Variants in TIAM1 observed in about 807,000 individuals in gnomAD.
The protein encoded by TIAM1 is TIAM Rac1 associated GEF 1.
TIAM1 carries 65 observed loss-of-function variants against 163.5 expected under a neutral mutation model. The ratio of observed to expected loss-of-function variants is 0.40; its 90% CI spans 0.33 to 0.49. The LOEUF (loss-of-function observed/expected upper bound fraction) is 0.49. Among genes scored for constraint, TIAM1 ranks in the 20% least tolerant of loss-of-function variants. The pLI, the probability that TIAM1 is intolerant of heterozygous loss-of-function variation, is 0.77. For missense variants in TIAM1, 1,789 were observed against 2,044.7 expected, an observed-to-expected ratio of 0.87 and a Z score of 2.41; for synonymous variants, 833 against 810.1, an observed-to-expected ratio of 1.03 and a Z score of -0.48.
chr21:31,345,940 G>C (rs2076139798), upstream of TIAM1, among the ~76,000 whole-genome samples: 1 of 152,178 alleles, frequency 6.6e-6, no homozygotes, highest in African/African-American at 2.4e-5. Flanking sequence ...GACGGAGTGA[G>C]ACTCTGTCTT....
At chr21:31,347,553 G>A (rs1225746981), upstream of TIAM1, among the ~76,000 whole-genome samples, 1 of 152,154 alleles carries the variant, frequency 6.6e-6, no homozygotes, top group Admixed American at 6.5e-5. Context: ...ACGCAGGTCC[G>A]AGCCCCATCA....
Position 31,129,927 on chromosome 21 carries a change from T to G in TIAM1, c.4045+286A>C, listed in dbSNP as rs187390275. Reference sequence around the variant, plus strand: ...TGGTAGTCACTATAGTATTAATCTATAGAATAGAATAACTAGAATCTTTTC... The same window carrying G: ...TGGTAGTCACTATAGTATTAATCTAGAGAATAGAATAACTAGAATCTTTTC... On this transcript the variant is annotated intron_variant, in intron 25 of 27. Coordinates refer to ENST00000541036, the MANE Select transcript of TIAM1 (RefSeq NM_001353694.2). 3.3e-5 allele frequency among the ~76,000 whole-genome samples: 5 copies of G among 152,294 alleles called. No homozygotes were observed. The East Asian group carries it at 9.6e-4, about 29-fold the overall frequency.
intron 2 of TIAM1, among the ~76,000 whole-genome samples, chr21:31,335,766 T>C (rs1291253145): frequency 6.6e-6 from 1 of 152,022 alleles, no homozygotes; most frequent in East Asian, 1.9e-4. Flanking sequence ...AATATGACCA[T>C]TAGACATGCT....
chr21:31,489,713 C>G (rs964124645), intron 1 of TIAM1, among the ~76,000 whole-genome samples: 9 of 151,966 alleles, frequency 5.9e-5, no homozygotes, highest in African/African-American at 2.2e-4. Context: ...AAGATAAACA[C>G]TCCCTGGAGT....
intron 2 of TIAM1, among the ~76,000 whole-genome samples, chr21:31,288,391 G>A (rs76665453): frequency 0.049 from 7,503 of 152,212 alleles, 227 homozygotes; most frequent in Non-Finnish European, 0.064. Flanking sequence ...CAGGTTGCCA[G>A]CAGATTCAGC....
chr21:31,428,189 A>T (rs534878688), intron 2 of TIAM1, among the ~76,000 whole-genome samples: 1 of 151,904 alleles, frequency 6.6e-6, no homozygotes, highest in South Asian at 2.1e-4. Flanking sequence ...CAGGAGGCAG[A>T]GGTTGCAGTG....
chr21:31,418,661 C>T lies in TIAM1; in HGVS notation c.-369+45322G>A, dbSNP rs553041611. ...GCAGTAAGTGCAGCCCAGCTTTAAA[C>T]ACAGGAGTTAGAGGGGTCACCTCAA... is the stretch of plus-strand genomic sequence containing the variant. On this transcript the variant is annotated intron_variant, in intron 2 of 28. Transcript: ENST00000286827. Among the ~76,000 whole-genome samples, 10 of 152,288 alleles carry T rather than the reference C, an allele frequency of 6.6e-5. No individual in the cohort carries two copies. In the South Asian group the frequency reaches 1.7e-3, roughly 25 times the overall value.
chr21:31,546,188 A>T (rs200521663), intron 1 of TIAM1, among the ~76,000 whole-genome samples: 1 of 14,396 alleles, frequency 6.9e-5, no homozygotes, highest in Non-Finnish European at 1.2e-4. Flanking sequence ...TTTGTAATTT[A>T]AAAAAAAAAA....
chr21:31,411,940 A>G (rs1298161178), intron 2 of TIAM1, among the ~76,000 whole-genome samples: 1 of 144,856 alleles, frequency 6.9e-6, no homozygotes, highest in Non-Finnish European at 1.5e-5. Context: ...CAAGACGGCT[A>G]CCCAAAGGAA....
rs548364490 is a variant in TIAM1 at position 31,214,324 on chromosome 21, C to CA, written c.2143-853dup. Among the ~76,000 whole-genome samples the CA allele has an allele frequency of 3.8e-4, 54 of 142,924 alleles. No homozygotes were observed. The East Asian group carries it at 3.9e-3, about 10-fold the overall frequency. 93.8% of individuals were successfully genotyped at this position (142,924 alleles called of 152,430 possible). ...TGGGCAACAGACTGAGACCTTGTCTCAAAAAAAACAAAAAAATAAAAAACC... is the reference window on the plus strand; with the variant it reads ...TGGGCAACAGACTGAGACCTTGTCTCAAAAAAAAACAAAAAAATAAAAAACC... On this transcript the variant is annotated intron_variant, in intron 9 of 27. Coordinates refer to ENST00000541036, the MANE Select transcript of TIAM1 (RefSeq NM_001353694.2).
rs186720992 is a variant in TIAM1, at chr21:31,313,205, G to A, written c.-189+26038C>T. Among the ~76,000 whole-genome samples, 259 of 152,276 alleles carry A rather than the reference G, an allele frequency of 1.7e-3. 5 individuals carry two copies. The South Asian group carries it at 0.028, about 17-fold the overall frequency. On this transcript the variant is annotated intron_variant, in intron 2 of 27. Transcript: ENST00000541036. ...ATACATTTATTTGCAGCAGACATTT[G>A]CTTTTAGTATACTTAATAATCCTGG...
chr21:31,506,261 T>TACACACACAC (rs112908703), intron 1 of TIAM1, among the ~76,000 whole-genome samples: 14,197 of 148,464 alleles, frequency 0.096, 904 homozygotes, highest in African/African-American at 0.17. Context: ...CTCACACACG[T>TACACACACAC]ACACACACAC....
chr21:31,216,852 G>A (rs1403052735), intron 9 of TIAM1, among the ~76,000 whole-genome samples: 1 of 152,130 alleles, frequency 6.6e-6, no homozygotes, highest in East Asian at 1.9e-4. Context: ...AAAAGTCAAG[G>A]GCAGAGAATA....
chr21:31,160,695 G>A (rs959283238), intron 16 of TIAM1: 9 of 392,724 alleles, frequency 2.3e-5, no homozygotes, highest in African/African-American at 1.7e-4. Flanking sequence ...GAAAATCTAC[G>A]GCCACGTCTC....
In TIAM1 at chr21:31,225,768, A is replaced by C; in HGVS notation, c.1767T>G (p.Ser589=). The change falls in exon 7 of 28, where the codon TCT becomes TCG. Residue 589 remains serine (S), a synonymous_variant. Coordinates refer to ENST00000541036, the MANE Select transcript of TIAM1 (RefSeq NM_001353694.2). ...TCTTTTTCTTTGAGTCAGTGACTGAAGACAGCTGCATTTCACCCATTTTCT... is the reference window on the plus strand; with the variant it reads ...TCTTTTTCTTTGAGTCAGTGACTGACGACAGCTGCATTTCACCCATTTTCT... ...KMKKMGEMQL[S]SVTDSKKKKT... is the part of the protein sequence containing the mutation. 2 of 1,613,824 alleles carry C rather than the reference A, an allele frequency of 1.2e-6. No homozygotes were observed. The highest frequency in any genetic ancestry group is 1.7e-5 in the Admixed American group (1 of 60,016).
chr21:31,239,738 T>A (rs1482079781), intron 6 of TIAM1, among the ~76,000 whole-genome samples: 1 of 152,046 alleles, frequency 6.6e-6, no homozygotes, highest in Admixed American at 6.6e-5. Context: ...AAATAAGCAC[T>A]TCACAAAAGA....
At chr21:31,361,480 T>A (rs749533647) in intron 2 of TIAM1, among the ~76,000 whole-genome samples, 1 of 152,184 alleles carries the variant, frequency 6.6e-6, no homozygotes, top group African/African-American at 2.4e-5. Context: ...GAGCTGGTGA[T>A]GGCCACATTA....
chr21:31,184,873 C>T (rs967724831), intron 14 of TIAM1, among the ~76,000 whole-genome samples: 2 of 152,166 alleles, frequency 1.3e-5, no homozygotes, highest in South Asian at 2.1e-4. Context: ...ATTTCTCACT[C>T]GTCACACCTT....
At chr21:31,147,645 T>G (rs1180547505) in intron 19 of TIAM1, among the ~76,000 whole-genome samples, 2 of 146,614 alleles carry the variant, frequency 1.4e-5, no homozygotes, top group Non-Finnish European at 3.0e-5. Flanking sequence ...TATATAGAGA[T>G]ATGTTATATG....
Sources: allele counts gnomAD v4.1 joint callset (sites outside exome capture counted in the v4.1 genomes callset), GRCh38; gene constraint gnomAD v4.1.1; transcripts MANE v1.5; gene names NCBI Gene and HGNC (gene_info 2026-07-23, HGNC 2026-07-21).